The following MAP2K1 variants were observed in gnomAD, a reference collection of about 807,000 sequenced individuals.
The protein encoded by MAP2K1 is mitogen-activated protein kinase kinase 1.
A neutral mutation model predicts 46.3 loss-of-function variants in MAP2K1; 16 were observed. The observed-to-expected ratio is 0.35, with a 90% confidence interval of 0.23 to 0.52. The LOEUF is 0.52. MAP2K1 is among the 20% of genes least tolerant of loss of function. The pLI, the probability that MAP2K1 is intolerant of heterozygous loss-of-function variation, is 0.94. For synonymous variants in MAP2K1, 183 were observed against 185.6 expected (o/e 0.99, Z 0.11); for missense variants, 263 against 497.1 (o/e 0.53, Z 4.48).
At chr15:66,448,252 A>G (rs547690791) in intron 5 of MAP2K1, among the ~76,000 whole-genome samples, 1 of 151,924 alleles carries the variant, frequency 6.6e-6, no homozygotes, top group Non-Finnish European at 1.5e-5. Context: ...TACTCTAGGT[A>G]CCTCATATGA....
In MAP2K1 at chr15:66,387,303, T is replaced by G. The variant is rs1595831093; in HGVS notation, c.-45T>G. ...CAGCGCAGCGGGAGGAAGCGAGAGGTGCTGCCCTCCCCCCGGAGTTGGAAG... is the reference window on the plus strand; with the variant it reads ...CAGCGCAGCGGGAGGAAGCGAGAGGGGCTGCCCTCCCCCCGGAGTTGGAAG... On this transcript the variant is annotated 5_prime_UTR_variant, in exon 1 of 11. Coordinates refer to ENST00000307102, the MANE Select transcript of MAP2K1 (RefSeq NM_002755.4). 6.7e-7 allele frequency: 1 copy of G among 1,482,632 alleles called. No individual in the cohort carries two copies. The highest frequency in any genetic ancestry group is 9.2e-7 in the Non-Finnish European group (1 of 1,086,734). 91.8% of individuals were successfully genotyped at this position (1,482,632 alleles called of 1,614,324 possible). A position where few individuals can be genotyped will look rare whatever the true frequency, so the allele number is the denominator to read the frequency against.
chr15:66,393,309 C>T (rs190450068), intron 1 of MAP2K1, among the ~76,000 whole-genome samples: 1 of 152,080 alleles, frequency 6.6e-6, no homozygotes, highest in East Asian at 1.9e-4. Flanking sequence ...TCCTGAGTAG[C>T]TGGGATTACA....
intron 5 of MAP2K1, among the ~76,000 whole-genome samples, chr15:66,475,617 A>T (rs2031239740): frequency 6.6e-6 from 1 of 152,232 alleles, no homozygotes; most frequent in Non-Finnish European, 1.5e-5. Context: ...AGGTATTAGG[A>T]TATAGTGGAA....
Position 66,388,593 on chromosome 15 carries a change from A to T in MAP2K1, c.80+1166A>T, listed in dbSNP as rs533895896. 2.0e-5 allele frequency among the ~76,000 whole-genome samples: 3 copies of T among 152,298 alleles called. No homozygotes were observed. The East Asian group carries it at 5.8e-4, about 29-fold the overall frequency. ...CAGATGGGGTCTTGCTATATTGCTTAGGCTGGTCTTGAACTCCTGGACTCT... is the reference window on the plus strand; with the variant it reads ...CAGATGGGGTCTTGCTATATTGCTTTGGCTGGTCTTGAACTCCTGGACTCT... On this transcript the variant is annotated intron_variant, in intron 1 of 10. Coordinates refer to ENST00000307102, the MANE Select transcript of MAP2K1 (RefSeq NM_002755.4).
chr15:66,420,721 A>ATGTGTGTG (rs1166822915), intron 1 of MAP2K1, among the ~76,000 whole-genome samples: 3 of 29,684 alleles, frequency 1.0e-4, no homozygotes, highest in African/African-American at 3.5e-4. Context: ...ATATATATAT[A>ATGTGTGTG]TGTGTGTGTG....
intron 1 of MAP2K1, among the ~76,000 whole-genome samples, chr15:66,429,912 C>T (rs2093470735): frequency 6.6e-6 from 1 of 152,112 alleles, no homozygotes; most frequent in Non-Finnish European, 1.5e-5. Flanking sequence ...CTCAGCCCCT[C>T]AACTTGAACA....
intron 9 of MAP2K1, 85 bp from the exon 10 acceptor site, chr15:66,489,633 G>A (rs1893172367): frequency 9.9e-7 from 1 of 1,013,926 alleles, no homozygotes; most frequent in Non-Finnish European, 1.6e-6. Flanking sequence ...CCTCTAGTGT[G>A]CAGAGAAGAC....
At chr15:66,414,560 A>C (rs2093420070) in intron 1 of MAP2K1, among the ~76,000 whole-genome samples, 2 of 152,226 alleles carry the variant, frequency 1.3e-5, no homozygotes, top group South Asian at 4.1e-4. Context: ...CAATATGCAC[A>C]GAGTATTATT....
intron 1 of MAP2K1, among the ~76,000 whole-genome samples, chr15:66,405,970 A>AT (rs1465667339): frequency 2.0e-5 from 3 of 152,232 alleles, no homozygotes; most frequent in African/African-American, 7.2e-5. Flanking sequence ...TATACTTTGA[A>AT]TGCAAGCAGC....
chr15:66,424,023 G>T (rs2093450561), intron 1 of MAP2K1, among the ~76,000 whole-genome samples: 1 of 151,384 alleles, frequency 6.6e-6, no homozygotes. Context: ...AAAGTGCTGA[G>T]ATTATGGATG....
intron 5 of MAP2K1, among the ~76,000 whole-genome samples, chr15:66,464,894 T>A (rs1029566988): frequency 6.6e-6 from 1 of 151,606 alleles, no homozygotes; most frequent in Admixed American, 6.6e-5. Context: ...TAAAAAATGA[T>A]AAAAATTGAA....
chr15:66,489,692 TCTTAC>T (rs771864100), intron 9 of MAP2K1, 21 bp from the exon 10 acceptor site: 2 of 1,601,750 alleles, frequency 1.2e-6, no homozygotes, highest in Non-Finnish European at 1.7e-6. Context: ...AGGCAACAGC[TCTTAC>T]CTTGTCTTTC....
chr15:66,489,981 G>C (rs1166634387), intron 10 of MAP2K1: 1 of 617,816 alleles, frequency 1.6e-6, no homozygotes, highest in African/African-American at 1.8e-5. Context: ...GCATATGCCA[G>C]AGGAAATGCC....
At chr15:66,432,018 C>T (rs187209729) in intron 1 of MAP2K1, among the ~76,000 whole-genome samples, 4 of 152,242 alleles carry the variant, frequency 2.6e-5, no homozygotes, top group East Asian at 3.9e-4. Flanking sequence ...CCGCAAAGGA[C>T]GTGATCTCGT....
At chr15:66,473,288 G>C (rs1892682641) in intron 5 of MAP2K1, among the ~76,000 whole-genome samples, 1 of 152,132 alleles carries the variant, frequency 6.6e-6, no homozygotes, top group Non-Finnish European at 1.5e-5. Context: ...AAAAATGAGA[G>C]ATCAGGCTGG....
At chr15:66,487,148 G>T (rs1893060776) in intron 7 of MAP2K1, 80 bp from the exon 8 acceptor site, 2 of 1,175,226 alleles carry the variant, frequency 1.7e-6, no homozygotes, top group Non-Finnish European at 2.6e-6. Context: ...TGGTCCCAGG[G>T]ATCCATGCCC....
chr15:66,430,869 C>T (rs2093473432), intron 1 of MAP2K1, among the ~76,000 whole-genome samples: 1 of 152,214 alleles, frequency 6.6e-6, no homozygotes, highest in Non-Finnish European at 1.5e-5. Flanking sequence ...CATTTCCTTG[C>T]ACCTCACTGG....
At chr15:66,420,974 TAC>T (rs1567003482) in intron 1 of MAP2K1, among the ~76,000 whole-genome samples, 400 of 35,290 alleles carry the variant, frequency 0.011, 5 homozygotes, top group African/African-American at 0.045. Context: ...TACACACACA[TAC>T]ATACACACAC....
chr15:66,434,811 T>C (rs1418313619), intron 1 of MAP2K1, among the ~76,000 whole-genome samples: 2 of 152,154 alleles, frequency 1.3e-5, no homozygotes, highest in Non-Finnish European at 2.9e-5. Flanking sequence ...AATGAGGAAA[T>C]TGAAGCCCTG....
Sources: gnomAD v4.1 joint callset for allele counts (sites outside exome capture counted in the v4.1 genomes callset) on GRCh38, gnomAD v4.1.1 for gene constraint, MANE v1.5 for transcripts, NCBI Gene and HGNC (gene_info 2026-07-23, HGNC 2026-07-21) for gene names.